The following VPS35L variants were observed in gnomAD, a reference collection of about 807,000 sequenced individuals.
The protein encoded by VPS35L is VPS35 endosomal protein sorting factor like, also known as VPS35 endosomal protein-sorting factor-like.
VPS35L carries 83 observed loss-of-function variants against 133.0 expected under a neutral mutation model. That is an observed-to-expected ratio of 0.62 (90% confidence interval 0.52 to 0.75). VPS35L has a LOEUF of 0.75. VPS35L is among the 30% of genes least tolerant of loss of function. The pLI, the probability that VPS35L is intolerant of heterozygous loss-of-function variation, is 0.00. For missense variants in VPS35L, 1,083 were observed against 1,206.8 expected (o/e 0.90, Z 1.52); for synonymous variants, 423 against 449.9 (o/e 0.94, Z 0.76).
intron 7 of VPS35L, among the ~76,000 whole-genome samples, chr16:19,583,629 C>A (rs1259638580): frequency 6.6e-6 from 1 of 150,378 alleles, no homozygotes; most frequent in Non-Finnish European, 1.5e-5. Context: ...GGCTGAGGCA[C>A]GAGAATTGCG....
At chr16:19,652,147 C>G (rs527881834) in intron 26 of VPS35L, 57 bp downstream of exon 26, 1 of 1,207,456 alleles carries the variant, frequency 8.3e-7, no homozygotes, top group Middle Eastern at 1.9e-4. Context: ...AAAACTGACT[C>G]AGGTGTGTGC....
chr16:19,654,686 A>C (rs1434416939), intron 26 of VPS35L, among the ~76,000 whole-genome samples: 1 of 152,240 alleles, frequency 6.6e-6, no homozygotes. Context: ...AAATCTGCTT[A>C]TAAATGGGTT....
chr16:19,599,160 T>C (rs1972305260), intron 8 of VPS35L, among the ~76,000 whole-genome samples: 1 of 152,208 alleles, frequency 6.6e-6, no homozygotes, highest in Middle Eastern at 3.2e-3. Context: ...GGCTTCTAAA[T>C]GGAGCCAGTG....
chr16:19,628,568 C>A (rs1973342300), intron 16 of VPS35L, 69 bp from the exon 17 acceptor site: 1 of 856,924 alleles, frequency 1.2e-6, no homozygotes, highest in Non-Finnish European at 1.8e-6. Flanking sequence ...TTTCTCTTTT[C>A]TTTTCTTTGA....
At chr16:19,673,424 C>T (rs527763636) in intron 27 of VPS35L, among the ~76,000 whole-genome samples, 227 of 152,352 alleles carry the variant, frequency 1.5e-3, no homozygotes, top group African/African-American at 5.1e-3. Context: ...ATGCCTTTCT[C>T]TCCAGTTTTC....
chr16:19,675,901 A>G (rs1235419138), intron 27 of VPS35L, among the ~76,000 whole-genome samples: 1 of 152,090 alleles, frequency 6.6e-6, no homozygotes, highest in Non-Finnish European at 1.5e-5. Flanking sequence ...TACCCACAGT[A>G]TGAAAGATTT....
intron 26 of VPS35L, among the ~76,000 whole-genome samples, chr16:19,658,875 C>G (rs544724569): frequency 6.5e-4 from 99 of 152,148 alleles, no homozygotes; most frequent in African/African-American, 2.3e-3. Flanking sequence ...GGTCTGAACT[C>G]CTGGCAAAAT....
intron 26 of VPS35L, among the ~76,000 whole-genome samples, chr16:19,667,471 C>T (rs915029901): frequency 2.0e-5 from 3 of 152,138 alleles, no homozygotes; most frequent in Non-Finnish European, 2.9e-5. Context: ...CGGTGGCTCA[C>T]GCCTGTAATC....
chr16:19,581,130 T>G (rs1298168654), intron 6 of VPS35L, among the ~76,000 whole-genome samples: 1 of 152,112 alleles, frequency 6.6e-6, no homozygotes, highest in Non-Finnish European at 1.5e-5. Context: ...AAAAATGTCT[T>G]TGTATCTCGA....
chr16:19,563,521 TCTC>T (rs767416295), intron 1 of VPS35L, among the ~76,000 whole-genome samples: 1 of 152,194 alleles, frequency 6.6e-6, no homozygotes, highest in Non-Finnish European at 1.5e-5. Flanking sequence ...ACATTCTCTC[TCTC>T]CTCCTCTTTG....
rs565379710 is a variant in VPS35L, at chr16:19,670,121, G to A, written c.2361+822G>A. ...GCTGGGACTGCAGGCCCATCTTCCCGTTATGTCCTCATGTGACAGAAAGAA... is the reference window on the plus strand; with the variant it reads ...GCTGGGACTGCAGGCCCATCTTCCCATTATGTCCTCATGTGACAGAAAGAA... On this transcript the variant is annotated intron_variant, in intron 27 of 30. Transcript: ENST00000417362. 5.3e-5 allele frequency among the ~76,000 whole-genome samples: 8 copies of A among 152,204 alleles called. No individual in the cohort carries two copies. In the East Asian group the frequency reaches 7.7e-4, roughly 15 times the overall value.
chr16:19,682,258 C>G lies in VPS35L; in HGVS notation c.2395C>G (p.Arg799Gly), dbSNP rs772085256. The G allele has an allele frequency of 3.7e-6, 6 of 1,613,872 alleles. No individual in the cohort carries two copies. The highest frequency in any genetic ancestry group is 5.1e-6 in the Non-Finnish European group (6 of 1,180,006). The change falls in exon 28 of 31, where the codon CGA becomes GGA. Residue 799 changes from arginine (R) to glycine (G), a missense_variant. Arg to Gly is a moderately radical substitution (Grantham distance 125). Coordinates refer to ENST00000417362, the MANE Select transcript of VPS35L (RefSeq NM_020314.7). ...TGAACATGGGGTCCTGTTTCTTGTTCGAGAGCTTCTCAACGTGATCCAGGA... is the reference window on the plus strand; with the variant it reads ...TGAACATGGGGTCCTGTTTCTTGTTGGAGAGCTTCTCAACGTGATCCAGGA... Reference protein sequence around the residue: ...HPEHGVLFLVRELLNVIQDYT... With the variant: ...HPEHGVLFLVGELLNVIQDYT...
chr16:19,577,669 C>T (rs1383684943), intron 5 of VPS35L, among the ~76,000 whole-genome samples: 2 of 152,174 alleles, frequency 1.3e-5, no homozygotes, highest in African/African-American at 4.8e-5. Context: ...GAAATCCTAA[C>T]CCCAAGATGA....
At position 19,616,750 on chromosome 16, in the gene VPS35L, C is replaced by T; in HGVS notation, c.1166C>T (p.Pro389Leu). 1 of 1,614,182 alleles carries T rather than the reference C, an allele frequency of 6.2e-7. No individual in the cohort carries two copies. Among genetic ancestry groups the T allele is most frequent in the South Asian group, 1.1e-5 (1 of 91,088 alleles). ...VQGVELPSYL[P>L]LYPPAMDWIF... is the part of the protein sequence containing the mutation. The stretch of plus-strand genomic sequence containing the variant: ...GGAGTGGAGCTCCCATCTTACCTCC[C>T]CTTGTACCCGCCTGCCATGGACTGG... Residue 389 changes from proline (P) to leucine (L), a missense_variant, in exon 14 of 31, where the codon CCC becomes CTC. Coordinates refer to ENST00000417362, the MANE Select transcript of VPS35L (RefSeq NM_020314.7).
At chr16:19,694,892 G>A (rs1975848597) in intron 29 of VPS35L, among the ~76,000 whole-genome samples, 1 of 151,980 alleles carries the variant, frequency 6.6e-6, no homozygotes. Context: ...TGTAATCCCA[G>A]CTACTTGGGA....
chr16:19,669,073 A>G (rs1974788461), intron 26 of VPS35L, 87 bp from the exon 27 acceptor site: 3 of 1,405,368 alleles, frequency 2.1e-6, no homozygotes, highest in Non-Finnish European at 2.9e-6. Context: ...CCTAACTCTC[A>G]GGACTGGCCT....
intron 28 of VPS35L, among the ~76,000 whole-genome samples, chr16:19,686,352 G>A (rs1975458731): frequency 6.6e-6 from 1 of 152,212 alleles, no homozygotes; most frequent in African/African-American, 2.4e-5. Flanking sequence ...CTCTGACATT[G>A]CCTGGAGCAA....
intron 19 of VPS35L, among the ~76,000 whole-genome samples, chr16:19,635,516 C>T (rs1973597063): frequency 1.3e-5 from 2 of 152,068 alleles, no homozygotes; most frequent in Non-Finnish European, 2.9e-5. Flanking sequence ...GGATCCTGCA[C>T]AGAAGATGGA....
At chr16:19,677,221 G>A (rs1038619212) in intron 27 of VPS35L, among the ~76,000 whole-genome samples, 4 of 151,688 alleles carry the variant, frequency 2.6e-5, no homozygotes, top group Admixed American at 6.6e-5. Flanking sequence ...ACCTGCCACC[G>A]TGCCTGGCTA....
Sources: gnomAD v4.1 joint callset for allele counts (sites outside exome capture counted in the v4.1 genomes callset) on GRCh38, gnomAD v4.1.1 for gene constraint, MANE v1.5 for transcripts, NCBI Gene and HGNC (gene_info 2026-07-23, HGNC 2026-07-21) for gene names.